Variants in RTN4IP1 observed in about 807,000 individuals in gnomAD.
The protein encoded by RTN4IP1 is NAD(P)H oxidoreductase RTN4IP1, mitochondrial.
Under a neutral mutation model 46.6 loss-of-function variants are expected in RTN4IP1, and 32 were observed. The observed-to-expected ratio is 0.69, with a 90% confidence interval of 0.52 to 0.92. The LOEUF is 0.92. RTN4IP1 is among the 40% of genes least tolerant of loss of function. The pLI, the probability that RTN4IP1 is intolerant of heterozygous loss-of-function variation, is 0.00. For synonymous variants in RTN4IP1, 167 were observed against 161.8 expected, an observed-to-expected ratio of 1.03 and a Z score of -0.24; for missense variants, 424 against 485.8, an observed-to-expected ratio of 0.87 and a Z score of 1.20.
Position 106,629,367 on chromosome 6 carries a change from G to A in RTN4IP1, c.-346C>T. Reference sequence around the variant, plus strand: ...CCTAGATCCCTGCCCTGTCCTGGGAGCCCTCGGCGGGACAAGCAGACACCG... The same window carrying A: ...CCTAGATCCCTGCCCTGTCCTGGGAACCCTCGGCGGGACAAGCAGACACCG... On this transcript the variant is annotated 5_prime_UTR_variant, in exon 1 of 9. Transcript: ENST00000369063. The A allele has an allele frequency of 1.8e-6, 1 of 558,072 alleles. No homozygotes were observed. The highest frequency in any genetic ancestry group is 3.2e-6 in the Non-Finnish European group (1 of 314,578). 34.6% of individuals were successfully genotyped at this position (558,072 alleles called of 1,614,324 possible).
intron 8 of RTN4IP1, among the ~76,000 whole-genome samples, chr6:106,578,681 G>A (rs1484214864): frequency 6.6e-6 from 1 of 152,198 alleles, no homozygotes; most frequent in Admixed American, 6.5e-5. Context: ...GTGTGGAGCA[G>A]CTGCGGGGAA....
chr6:106,571,760 A>G lies in RTN4IP1; in HGVS notation c.*236T>C, dbSNP rs9320183. 51,515 of 451,632 alleles carry G rather than the reference A, an allele frequency of 0.11. 3,512 individuals are homozygous for G. Among genetic ancestry groups the G allele is most frequent in the African/African-American group, 0.2 (9,952 of 49,432 alleles). 28.0% of individuals were successfully genotyped at this position (451,632 alleles called of 1,614,324 possible). A position where few individuals can be genotyped will look rare whatever the true frequency, so the allele number is the denominator to read the frequency against. ...AGGTGCCACAACAACCTGCAAAGCCAGTGTGAAGGAACAGCTTGAAAAAAC... is the reference window on the plus strand; with the variant it reads ...AGGTGCCACAACAACCTGCAAAGCCGGTGTGAAGGAACAGCTTGAAAAAAC... On this transcript the variant is annotated 3_prime_UTR_variant, in exon 9 of 9. Transcript: ENST00000369063.
intron 4 of RTN4IP1, among the ~76,000 whole-genome samples, chr6:106,612,280 G>A (rs552347348): frequency 2.0e-4 from 30 of 151,444 alleles, no homozygotes; most frequent in African/African-American, 5.1e-4. Context: ...CCAGCTACTC[G>A]GGAGGCTGAT....
chr6:106,580,049 C>T (rs1179990673), intron 8 of RTN4IP1, among the ~76,000 whole-genome samples: 1 of 151,672 alleles, frequency 6.6e-6, no homozygotes, highest in East Asian at 2.0e-4. Flanking sequence ...CCCATCTCTA[C>T]TAAAGATACA....
chr6:106,571,846 C>A lies in RTN4IP1; in HGVS notation c.*150G>T. 1.8e-6 allele frequency: 1 copy of A among 557,070 alleles called. No individual in the cohort carries two copies. 34.5% of individuals were successfully genotyped at this position (557,070 alleles called of 1,614,324 possible). On this transcript the variant is annotated 3_prime_UTR_variant, in exon 9 of 9. Transcript: ENST00000369063. ...CTGATATTTTTATATCAATTACTGG[C>A]CAAAATGGTGTGTTTATTTTTTAAA...
At chr6:106,578,863 GA>G (rs1775288606) in intron 8 of RTN4IP1, among the ~76,000 whole-genome samples, 1 of 151,536 alleles carries the variant, frequency 6.6e-6, no homozygotes, top group African/African-American at 2.4e-5. Flanking sequence ...CCTAAATAGT[GA>G]ATGTCTTAGG....
intron 1 of RTN4IP1, among the ~76,000 whole-genome samples, chr6:106,623,728 A>T (rs1776555769): frequency 6.6e-6 from 1 of 152,200 alleles, no homozygotes; most frequent in Non-Finnish European, 1.5e-5. Context: ...TCTTTTATAC[A>T]GTTTTGCTTT....
chr6:106,616,636 A>G (rs1303741074), intron 4 of RTN4IP1, among the ~76,000 whole-genome samples: 1 of 152,232 alleles, frequency 6.6e-6, no homozygotes, highest in Non-Finnish European at 1.5e-5. Context: ...TGCTCCATCA[A>G]TCACAATGAA....
chr6:106,574,056 C>A (rs146345639), intron 8 of RTN4IP1, among the ~76,000 whole-genome samples: 101 of 152,304 alleles, frequency 6.6e-4, no homozygotes, highest in African/African-American at 2.3e-3. Context: ...TGAGACGAAG[C>A]CTATTTGTCT....
At chr6:106,605,080 T>C (rs1363060912) in intron 4 of RTN4IP1, among the ~76,000 whole-genome samples, 4 of 152,190 alleles carry the variant, frequency 2.6e-5, no homozygotes, top group African/African-American at 9.6e-5. Flanking sequence ...GAATGCCATG[T>C]AGCTGTATGT....
At chr6:106,616,028 C>G (rs748884979) in intron 4 of RTN4IP1, among the ~76,000 whole-genome samples, 13 of 152,072 alleles carry the variant, frequency 8.5e-5, no homozygotes, top group Non-Finnish European at 1.6e-4. Context: ...AAATGATCCT[C>G]CTGCCTCAGG....
chr6:106,575,393 T>G (rs1775202277), intron 8 of RTN4IP1, among the ~76,000 whole-genome samples: 1 of 152,178 alleles, frequency 6.6e-6, no homozygotes, highest in Admixed American at 6.5e-5. Context: ...GCCCCAAGAT[T>G]TGGCACCCGC....
chr6:106,610,847 C>T (rs1776205397), intron 4 of RTN4IP1, among the ~76,000 whole-genome samples: 1 of 152,106 alleles, frequency 6.6e-6, no homozygotes, highest in Non-Finnish European at 1.5e-5. Flanking sequence ...TTCTTAAACC[C>T]TAAAATCTAA....
At chr6:106,625,007 C>A in intron 1 of RTN4IP1, among the ~76,000 whole-genome samples, 1 of 149,270 alleles carries the variant, frequency 6.7e-6, no homozygotes, top group African/African-American at 2.5e-5. Flanking sequence ...CTAAATAAAA[C>A]TGAAAACATT....
chr6:106,575,931 T>A (rs557628780), intron 8 of RTN4IP1, among the ~76,000 whole-genome samples: 41 of 152,104 alleles, frequency 2.7e-4, no homozygotes, highest in Non-Finnish European at 5.6e-4. Flanking sequence ...GAGGGTGAGG[T>A]GTGTGAGGGG....
intron 5 of RTN4IP1, among the ~76,000 whole-genome samples, chr6:106,597,067 A>G (rs1044754005): frequency 1.3e-5 from 2 of 152,116 alleles, no homozygotes; most frequent in African/African-American, 2.4e-5. Flanking sequence ...TTTTTTCTTT[A>G]AAGGCCAGTA....
chr6:106,589,198 G>A (rs1226319291), intron 6 of RTN4IP1, among the ~76,000 whole-genome samples: 2 of 2,764 alleles, frequency 7.2e-4, no homozygotes, highest in Non-Finnish European at 9.7e-4. Flanking sequence ...GGAGGAGGAG[G>A]AGGGAGGGGG....
At chr6:106,584,106 TC>T (rs1267898027) in intron 7 of RTN4IP1, among the ~76,000 whole-genome samples, 1 of 152,192 alleles carries the variant, frequency 6.6e-6, no homozygotes, top group African/African-American at 2.4e-5. Context: ...TAAATGTTAT[TC>T]TTTGTTTATT....
intron 8 of RTN4IP1, among the ~76,000 whole-genome samples, chr6:106,573,405 A>T (rs573045387): frequency 3.5e-4 from 53 of 152,318 alleles, no homozygotes; most frequent in African/African-American, 1.3e-3. Context: ...CTCTTGGATG[A>T]ATTTCACAGC....
Sources: gnomAD v4.1 joint callset for allele counts (sites outside exome capture counted in the v4.1 genomes callset) on GRCh38, gnomAD v4.1.1 for gene constraint, MANE v1.5 for transcripts, NCBI Gene and HGNC (gene_info 2026-07-23, HGNC 2026-07-21) for gene names.